The following PIP5K1B variants were observed in gnomAD, a reference collection of about 807,000 sequenced individuals.
PIP5K1B encodes phosphatidylinositol-4-phosphate 5-kinase type 1 beta, also known as phosphatidylinositol 4-phosphate 5-kinase type-1 beta.
PIP5K1B carries 42 observed loss-of-function variants against 67.0 expected under a neutral mutation model. The observed-to-expected ratio is 0.63, with a 90% CI of 0.49 to 0.81. The LOEUF is 0.81. Among genes scored for constraint, PIP5K1B ranks in the 30% least tolerant of loss-of-function variants. The pLI, the probability that PIP5K1B is intolerant of heterozygous loss-of-function variation, is 0.00. For synonymous variants in PIP5K1B, 214 were observed against 231.4 expected, an observed-to-expected ratio of 0.92 and a Z score of 0.68; for missense variants, 459 against 646.3, an observed-to-expected ratio of 0.71 and a Z score of 3.14.
chr9:68,941,107 C>T (rs557858262), intron 14 of PIP5K1B: 13 of 485,554 alleles, frequency 2.7e-5, no homozygotes, highest in African/African-American at 2.5e-4. Context: ...AGTGAGCACT[C>T]TTAGTTAATA....
intron 4 of PIP5K1B, among the ~76,000 whole-genome samples, chr9:68,834,653 T>C (rs1311475370): frequency 2.0e-5 from 3 of 151,566 alleles, no homozygotes; most frequent in Non-Finnish European, 4.4e-5. Flanking sequence ...GTTCTGGAGG[T>C]GCAATTAGAG....
chr9:68,724,128 G>C (rs985147846), intron 1 of PIP5K1B, among the ~76,000 whole-genome samples: 3 of 151,916 alleles, frequency 2.0e-5, no homozygotes, highest in Non-Finnish European at 2.9e-5. Flanking sequence ...TAAAGAAACT[G>C]TCCTTTCCCC....
chr9:68,900,226 T>C (rs1825293390), intron 8 of PIP5K1B, among the ~76,000 whole-genome samples: 2 of 152,194 alleles, frequency 1.3e-5, no homozygotes. Flanking sequence ...CTTTATTTTA[T>C]TAGCACTGAC....
chr9:68,908,964 G>A (rs971574060), intron 8 of PIP5K1B, among the ~76,000 whole-genome samples: 3 of 152,110 alleles, frequency 2.0e-5, no homozygotes, highest in Non-Finnish European at 4.4e-5. Context: ...TTGTTAATTT[G>A]GTTATTTTGC....
intron 14 of PIP5K1B, among the ~76,000 whole-genome samples, chr9:68,962,249 A>C (rs1587726136): frequency 6.8e-6 from 1 of 146,172 alleles, no homozygotes; most frequent in South Asian, 2.2e-4. Context: ...TACACAGAAT[A>C]CTCCTGTTTT....
At chr9:68,940,521 A>G in intron 13 of PIP5K1B, 125 bp from the exon 14 acceptor site, 5 of 863,658 alleles carry the variant, frequency 5.8e-6, no homozygotes. Flanking sequence ...AGTGCAGTTA[A>G]TTCATAATTG....
At chr9:68,822,532 A>G in intron 3 of PIP5K1B, 83 bp from the exon 4 acceptor site, 1 of 987,654 alleles carries the variant, frequency 1.0e-6, no homozygotes, top group East Asian at 2.5e-5. Flanking sequence ...TAACTAAAAT[A>G]GATCCTTTGG....
In PIP5K1B at chr9:68,945,787, C is replaced by T. The variant is rs767940483; in HGVS notation, c.1502+4997C>T. ...AAAGTGGAGGCATGACTTCCAGCTA[C>T]AGCACTGATATAGAATATACAGTTT... On this transcript the variant is annotated intron_variant, in intron 14 of 15. Coordinates refer to ENST00000265382, the MANE Select transcript of PIP5K1B (RefSeq NM_003558.4). 5.9e-5 allele frequency among the ~76,000 whole-genome samples: 9 copies of T among 152,322 alleles called. No individual in the cohort carries two copies. In the East Asian group the frequency reaches 1.5e-3, roughly 26 times the overall value.
rs201749057 is a variant in PIP5K1B at position 68,941,114 on chromosome 9, A to G, written c.1502+324A>G. The G allele has an allele frequency of 9.9e-4, 475 of 480,946 alleles. 1 individual carries two copies. The highest frequency in any genetic ancestry group is 9.4e-4 in the Admixed American group (41 of 43,646). 29.8% of individuals were successfully genotyped at this position (480,946 alleles called of 1,614,324 possible). A position where few individuals can be genotyped will look rare whatever the true frequency, so the allele number is the denominator to read the frequency against. The stretch of plus-strand genomic sequence containing the variant: ...TTCTTCAGAGTGAGCACTCTTAGTT[A>G]ATATTACACAGGTAGCTGCAAAGAT... On this transcript the variant is annotated intron_variant, in intron 14 of 15. Coordinates refer to ENST00000265382, the MANE Select transcript of PIP5K1B (RefSeq NM_003558.4).
At chr9:68,806,215 G>C (rs1832864398) in intron 2 of PIP5K1B, among the ~76,000 whole-genome samples, 1 of 152,218 alleles carries the variant, frequency 6.6e-6, no homozygotes, top group Non-Finnish European at 1.5e-5. Flanking sequence ...CAGGGAGAAA[G>C]CTGCTCTGAG....
intron 12 of PIP5K1B, among the ~76,000 whole-genome samples, chr9:68,927,357 A>G (rs73461663): frequency 0.029 from 4,361 of 152,276 alleles, 185 homozygotes; most frequent in African/African-American, 0.093. Flanking sequence ...ACTCCTTTCC[A>G]AAGCAGCTGT....
chr9:68,858,540 G>T (rs747572673), intron 4 of PIP5K1B, among the ~76,000 whole-genome samples: 3 of 152,174 alleles, frequency 2.0e-5, no homozygotes, highest in Non-Finnish European at 4.4e-5. Context: ...TATATCAGGC[G>T]TGGGAGTTGG....
chr9:68,867,620 A>G lies in PIP5K1B; in HGVS notation c.200+3653A>G, dbSNP rs202170114. On this transcript the variant is annotated intron_variant, in intron 5 of 15. Transcript: ENST00000265382. ...CTATAAAGTGATGGATAAATTTAGTATCATGATTGTGGTGATGGTTTCACA... is the reference window on the plus strand; with the variant it reads ...CTATAAAGTGATGGATAAATTTAGTGTCATGATTGTGGTGATGGTTTCACA... Among the ~76,000 whole-genome samples the G allele has an allele frequency of 5.9e-5, 9 of 152,350 alleles. No individual in the cohort carries two copies. In the East Asian group the frequency reaches 1.7e-3, roughly 29 times the overall value.
intron 2 of PIP5K1B, among the ~76,000 whole-genome samples, chr9:68,753,515 CTTTTTTTT>C (rs71500334): frequency 1.5e-3 from 57 of 38,280 alleles, no homozygotes; most frequent in African/African-American, 6.4e-3. Context: ...AATTTTGTTT[CTTTTTTTT>C]TTTTTTTTTT....
chr9:68,964,853 T>A (rs575648057), intron 14 of PIP5K1B, among the ~76,000 whole-genome samples: 11 of 152,194 alleles, frequency 7.2e-5, no homozygotes, highest in Non-Finnish European at 1.3e-4. Context: ...CAAGAGGAGG[T>A]TGATTGATCA....
At chr9:68,862,690 G>A (rs1823152755) in intron 4 of PIP5K1B, among the ~76,000 whole-genome samples, 1 of 152,046 alleles carries the variant, frequency 6.6e-6, no homozygotes, top group African/African-American at 2.4e-5. Context: ...TACTCAGGCG[G>A]CTGAGGCATG....
chr9:68,992,874 C>T (rs2132969114), intron 15 of PIP5K1B, among the ~76,000 whole-genome samples: 1 of 114,010 alleles, frequency 8.8e-6, no homozygotes, highest in East Asian at 2.3e-4. Context: ...AAAAAAAAGT[C>T]CTGGCTGGGC....
intron 1 of PIP5K1B, among the ~76,000 whole-genome samples, chr9:68,729,550 T>C (rs980478494): frequency 3.9e-5 from 6 of 152,176 alleles, no homozygotes; most frequent in African/African-American, 1.4e-4. Flanking sequence ...AACATATCTA[T>C]ATCTATACAC....
At chr9:68,839,087 G>A (rs1821778747) in intron 4 of PIP5K1B, among the ~76,000 whole-genome samples, 1 of 152,200 alleles carries the variant, frequency 6.6e-6, no homozygotes, top group Non-Finnish European at 1.5e-5. Flanking sequence ...ATTTTGGGGT[G>A]GGCAGTTTGT....
Sources: allele counts gnomAD v4.1 joint callset (sites outside exome capture counted in the v4.1 genomes callset), GRCh38; gene constraint gnomAD v4.1.1; transcripts MANE v1.5; gene names NCBI Gene and HGNC (gene_info 2026-07-23, HGNC 2026-07-21).